KIF26B: variants seen among roughly 807,000 people sequenced by gnomAD.
KIF26B encodes the protein kinesin-like protein KIF26B.
In KIF26B, 63 loss-of-function variants were observed where a neutral mutation model predicts 151.2. The ratio of observed to expected loss-of-function variants is 0.42; its 90% confidence interval spans 0.34 to 0.51. KIF26B has a LOEUF of 0.51. Among genes scored for constraint, KIF26B ranks in the 20% least tolerant of loss-of-function variants. KIF26B has a pLI of 0.07. For synonymous variants in KIF26B, 1,357 were observed against 1,262.1 expected, an observed-to-expected ratio of 1.08 and a Z score of -1.59; for missense variants, 2,813 against 2,913.6, an observed-to-expected ratio of 0.97 and a Z score of 0.79.
At chr1:245,582,536 G>A (rs910769328) in intron 5 of KIF26B, among the ~76,000 whole-genome samples, 2 of 151,822 alleles carry the variant, frequency 1.3e-5, no homozygotes, top group African/African-American at 2.4e-5. Context: ...ACTTTAACTC[G>A]TTCCATAAAA....
At chr1:245,164,085 G>A (rs897194716) in intron 2 of KIF26B, among the ~76,000 whole-genome samples, 8 of 152,094 alleles carry the variant, frequency 5.3e-5, no homozygotes, top group Admixed American at 2.6e-4. Context: ...TTGGCTTTTG[G>A]ACTGAGATCT....
chr1:245,529,356 C>T (rs750478845), intron 4 of KIF26B, among the ~76,000 whole-genome samples: 7 of 152,172 alleles, frequency 4.6e-5, no homozygotes, highest in Non-Finnish European at 1.0e-4. Flanking sequence ...ACCACAGCAT[C>T]AGATGGTTTC....
chr1:245,187,378 G>A lies in KIF26B; in HGVS notation c.465+30695G>A, dbSNP rs189596984. Reference sequence around the variant, plus strand: ...GATGGGGCAGGTTGATGAGGAATGAGAAATTACTGAATGGACACCATGTAG... The same window carrying A: ...GATGGGGCAGGTTGATGAGGAATGAAAAATTACTGAATGGACACCATGTAG... On this transcript the variant is annotated intron_variant, in intron 2 of 14. Transcript: ENST00000407071. 2.8e-4 allele frequency among the ~76,000 whole-genome samples: 43 copies of A among 152,322 alleles called. No individual in the cohort carries two copies. The East Asian group carries it at 7.1e-3, about 25-fold the overall frequency.
chr1:245,383,054 CAG>C (rs557079114), intron 3 of KIF26B, among the ~76,000 whole-genome samples: 63 of 141,186 alleles, frequency 4.5e-4, no homozygotes, highest in Admixed American at 4.2e-4. Context: ...TATATATATA[CAG>C]AGAGAGAGAG....
intron 9 of KIF26B, among the ~76,000 whole-genome samples, chr1:245,645,126 A>G (rs2043933255): frequency 6.6e-6 from 1 of 151,930 alleles, no homozygotes. Flanking sequence ...TGAGGGATCC[A>G]CCCCCAAGAC....
chr1:245,187,421 T>A (rs747534152), intron 2 of KIF26B, among the ~76,000 whole-genome samples: 1 of 152,220 alleles, frequency 6.6e-6, no homozygotes, highest in Non-Finnish European at 1.5e-5. Flanking sequence ...CAGTGATGGA[T>A]GCATTCAAAG....
chr1:245,424,145 A>G lies in KIF26B; in HGVS notation c.1166+4400A>G, dbSNP rs115449516. On this transcript the variant is annotated intron_variant, in intron 4 of 14. Coordinates refer to ENST00000407071, the MANE Select transcript of KIF26B (RefSeq NM_018012.4). ...AGTCATGAGCCACTGCACCTGGCCT[A>G]AAATTTATTCATTTATTTATTTTTG... Among the ~76,000 whole-genome samples, 651 of 152,060 alleles carry G rather than the reference A, an allele frequency of 4.3e-3. 3 individuals are homozygous for G. Among genetic ancestry groups the G allele is most frequent in the African/African-American group, 0.015 (610 of 41,452 alleles).
At chr1:245,455,823 C>T (rs1193130534) in intron 4 of KIF26B, among the ~76,000 whole-genome samples, 1 of 152,200 alleles carries the variant, frequency 6.6e-6, no homozygotes, top group Non-Finnish European at 1.5e-5. Context: ...GCGTCTCCCT[C>T]AGGACATGGC....
In KIF26B at chr1:245,218,987, C is replaced by T. The variant is rs892940553; in HGVS notation, c.465+62304C>T. Among the ~76,000 whole-genome samples the T allele has an allele frequency of 2.0e-5, 3 of 151,970 alleles. No individual in the cohort carries two copies. The highest frequency in any genetic ancestry group is 3.9e-4 in the East Asian group (2 of 5,168). On this transcript the variant is annotated intron_variant, in intron 2 of 14. Transcript: ENST00000407071. The surrounding 1 kb of genome is among the most constrained non-coding windows in gnomAD (Gnocchi z 4.1). The stretch of plus-strand genomic sequence containing the variant: ...CAAGACTGTGTATGCCAGGAGGGAG[C>T]ATCTGCCCCCATCTACTCTCTGGGA...
At chr1:245,165,679 A>G (rs898082706) in intron 2 of KIF26B, among the ~76,000 whole-genome samples, 3 of 152,190 alleles carry the variant, frequency 2.0e-5, no homozygotes, top group Non-Finnish European at 2.9e-5. Context: ...ACAGACCAAG[A>G]AGGAGGGACC....
At chr1:245,551,926 A>C (rs1661889516) in intron 5 of KIF26B, among the ~76,000 whole-genome samples, 2 of 152,210 alleles carry the variant, frequency 1.3e-5, no homozygotes, top group African/African-American at 4.8e-5. Context: ...ATCACTCTTT[A>C]GATGACTGAT....
intron 4 of KIF26B, among the ~76,000 whole-genome samples, chr1:245,475,135 A>G (rs1312680572): frequency 6.6e-6 from 1 of 151,870 alleles, no homozygotes; most frequent in Non-Finnish European, 1.5e-5. Flanking sequence ...CTCTGTCCGT[A>G]TATCCTTATC....
At chr1:245,378,508 G>A (rs990083750) in intron 3 of KIF26B, among the ~76,000 whole-genome samples, 6 of 152,190 alleles carry the variant, frequency 3.9e-5, no homozygotes, top group Non-Finnish European at 8.8e-5. Flanking sequence ...CAGTCGTCTT[G>A]TGTGTTAGAG....
intron 2 of KIF26B, among the ~76,000 whole-genome samples, chr1:245,243,684 T>C (rs1670254418): frequency 6.6e-6 from 1 of 151,712 alleles, no homozygotes. Flanking sequence ...CCATCTGTAA[T>C]AAAAATACAA....
chr1:245,450,274 C>T (rs1305327320), intron 4 of KIF26B, among the ~76,000 whole-genome samples: 1 of 152,184 alleles, frequency 6.6e-6, no homozygotes, highest in Non-Finnish European at 1.5e-5. Flanking sequence ...CATAATGATT[C>T]CTTCCGAATC....
intron 4 of KIF26B, among the ~76,000 whole-genome samples, chr1:245,474,992 A>G (rs1660003057): frequency 1.3e-5 from 2 of 151,996 alleles, no homozygotes; most frequent in South Asian, 4.2e-4. Context: ...AACAAACAAA[A>G]AAAAATTGGG....
At chr1:245,174,834 C>T (rs1484807205) in intron 2 of KIF26B, among the ~76,000 whole-genome samples, 1 of 152,162 alleles carries the variant, frequency 6.6e-6, no homozygotes, top group East Asian at 1.9e-4. Flanking sequence ...CCCTTTGGAG[C>T]TTGTGGGATT....
intron 4 of KIF26B, among the ~76,000 whole-genome samples, chr1:245,465,953 C>T (rs576183375): frequency 1.3e-5 from 2 of 152,338 alleles, no homozygotes; most frequent in Admixed American, 6.5e-5. Flanking sequence ...AGCTTGCATC[C>T]GTCTGCCTCC....
At chr1:245,189,880 T>G (rs188140596) in intron 2 of KIF26B, among the ~76,000 whole-genome samples, 37 of 152,268 alleles carry the variant, frequency 2.4e-4, no homozygotes, top group African/African-American at 6.0e-4. Context: ...AAGGTGAAAG[T>G]CACGTCTTAC....
Sources: gnomAD v4.1 joint callset for allele counts (sites outside exome capture counted in the v4.1 genomes callset) on GRCh38, gnomAD v4.1.1 for gene constraint, Gnocchi (gnomAD v3.1) non-coding constraint, MANE v1.5 for transcripts, NCBI Gene and HGNC (gene_info 2026-07-23, HGNC 2026-07-21) for gene names.